The following VWA2 variants were observed in gnomAD, a reference collection of about 807,000 sequenced individuals.
VWA2 encodes von Willebrand factor A domain-containing protein 2.
In VWA2, 73 loss-of-function variants were observed where a neutral mutation model predicts 70.4. The observed-to-expected ratio is 1.04, with a 90% CI of 0.86 to 1.26. VWA2 has a LOEUF of 1.26. Among genes scored for constraint, VWA2 ranks in the 50% most tolerant of loss-of-function variants. The probability of loss-of-function intolerance (pLI) is 0.00; values close to 1 mark genes in which losing one functional copy is unlikely to be tolerated. For synonymous variants in VWA2, 407 were observed against 423.3 expected (o/e 0.96, Z 0.47); for missense variants, 1,011 against 998.5 (o/e 1.01, Z -0.17).
intron 1 of VWA2, among the ~76,000 whole-genome samples, chr10:114,248,107 C>CA (rs57749043): frequency 0.2 from 19,864 of 98,620 alleles, 1,484 homozygotes; most frequent in Middle Eastern, 0.32. Flanking sequence ...GACTCCATCT[C>CA]AAAAAAAAAA....
chr10:114,264,173 C>G (rs1271401449), intron 5 of VWA2, among the ~76,000 whole-genome samples: 7 of 152,224 alleles, frequency 4.6e-5, no homozygotes, highest in South Asian at 2.1e-4. Flanking sequence ...AACACGTGCA[C>G]ACGAAAATAG....
Position 114,286,098 on chromosome 10 carries a change from C to T in VWA2, c.1157C>T (p.Thr386Ile), listed in dbSNP as rs1308933379. The part of the protein sequence containing the change: ...EDSRARVGVA[T>I]YSRELLVAVP... ...TCTCGGGCCCGAGTGGGTGTGGCCA[C>T]ATACAGCAGGGAGCTGCTGGTGGCG... Residue 386 changes from threonine to isoleucine, a missense_variant, in exon 11 of 14, where the codon ACA becomes ATA. Transcript: ENST00000392982. 1 of 1,614,164 alleles carries T rather than the reference C, an allele frequency of 6.2e-7. No individual in the cohort carries two copies. Among genetic ancestry groups the T allele is most frequent in the Non-Finnish European group, 8.5e-7 (1 of 1,180,042 alleles).
At chr10:114,289,566 G>T (rs768392849) in intron 12 of VWA2, 77 bp downstream of exon 12, 2 of 1,524,320 alleles carry the variant, frequency 1.3e-6, no homozygotes, top group South Asian at 1.2e-5. Flanking sequence ...ACATCATGAC[G>T]AGGATGGCAG....
Position 114,277,938 on chromosome 10 carries a change from C to T in VWA2, c.591C>T (p.Ala197=). 6.2e-7 allele frequency: 1 copy of T among 1,610,592 alleles called. No homozygotes were observed. Among genetic ancestry groups the T allele is most frequent in the South Asian group, 1.1e-5 (1 of 90,754 alleles). The change falls in exon 7 of 14, where the codon GCC becomes GCT. Residue 197 remains alanine, a synonymous_variant. Transcript: ENST00000392982. ...FPRWEELHAL[A]SEPRGQHVLL... ...GGTGGGAGGAGCTGCATGCACTGGC[C>T]AGCGAGCCTAGAGGGCAGCACGTGC... is the stretch of plus-strand genomic sequence containing the variant.
rs2037078247 is a variant in VWA2, at chr10:114,246,601, C to T, written c.-10-2103C>T. On this transcript the variant is annotated intron_variant, in intron 1 of 13. Coordinates refer to ENST00000392982, the MANE Select transcript of VWA2 (RefSeq NM_001272046.2). ...GGACCTCATTTTAAGACTGTTGAAG[C>T]ATAATCCCAGCCAGAGGCCAATGCT... 3.6e-6 allele frequency: 5 copies of T among 1,390,188 alleles called. No homozygotes were observed. The South Asian group carries it at 4.6e-5, about 13-fold the overall frequency. 86.1% of individuals were successfully genotyped at this position (1,390,188 alleles called of 1,614,324 possible).
Position 114,291,593 on chromosome 10 carries a change from A to G in VWA2, c.*356A>G, listed in dbSNP as rs147756253. ...CAAGGGGTCCTGAAGACTTAAATTT[A>G]GCGGCCTGACGTTCCTTTGCACACA... is the stretch of plus-strand genomic sequence containing the variant. On this transcript the variant is annotated 3_prime_UTR_variant, in exon 14 of 14. Transcript: ENST00000392982. 9.8e-4 allele frequency: 236 copies of G among 240,474 alleles called. 1 individual carries two copies. The highest frequency in any genetic ancestry group is 4.9e-3 in the African/African-American group (215 of 43,664). The allele number at this position is 240,474 out of a possible 1,614,324, so 14.9% of individuals were successfully genotyped here.
At chr10:114,264,585 T>A (rs1007194283) in intron 5 of VWA2, among the ~76,000 whole-genome samples, 9 of 151,246 alleles carry the variant, frequency 6.0e-5, no homozygotes, top group African/African-American at 2.2e-4. Flanking sequence ...GCCCGGCTAA[T>A]TTTTTTTGTA....
chr10:114,288,332 T>A (rs2039160259), intron 11 of VWA2, among the ~76,000 whole-genome samples: 1 of 152,254 alleles, frequency 6.6e-6, no homozygotes, highest in South Asian at 2.1e-4. Context: ...TATGTTCATT[T>A]CATGTCTGTT....
chr10:114,254,485 C>G (rs2037276924), intron 3 of VWA2, among the ~76,000 whole-genome samples: 1 of 152,164 alleles, frequency 6.6e-6, no homozygotes, highest in South Asian at 2.1e-4. Context: ...ATATTCCTTC[C>G]TCTTCCACCC....
chr10:114,250,740 C>T (rs2037178108), intron 2 of VWA2, among the ~76,000 whole-genome samples: 1 of 152,228 alleles, frequency 6.6e-6, no homozygotes, highest in Non-Finnish European at 1.5e-5. Context: ...AAGTATAACA[C>T]AGCAGCTTCA....
intron 2 of VWA2, among the ~76,000 whole-genome samples, chr10:114,250,585 TG>T (rs1376644282): frequency 6.6e-6 from 1 of 152,212 alleles, no homozygotes; most frequent in Non-Finnish European, 1.5e-5. Context: ...TGTTCTCTGC[TG>T]AATTGGCTAC....
intron 6 of VWA2, 123 bp from the exon 7 acceptor site, chr10:114,277,791 G>C: frequency 3.2e-6 from 4 of 1,258,724 alleles, no homozygotes; most frequent in Non-Finnish European, 4.2e-6. Flanking sequence ...CACCAGCTAT[G>C]GGTCTGACAA....
rs149283597 is a variant in VWA2 at position 114,253,665 on chromosome 10, C to T, written c.67C>T (p.Pro23Ser). The change falls in exon 3 of 14, where the codon CCT (proline) becomes TCT (serine). Residue 23 changes from proline to serine, a missense_variant. Coordinates refer to ENST00000392982, the MANE Select transcript of VWA2 (RefSeq NM_001272046.2). ...FLFSRVPPSLPLQEVHVSKET... is the reference protein window; with the variant it reads ...FLFSRVPPSLSLQEVHVSKET... ...TTCTCTCCTAGTGCCCCCATCTCTC[C>T]CTCTCCAGGAAGTCCATGTAAGCAA... is the stretch of plus-strand genomic sequence containing the variant. The T allele has an allele frequency of 9.9e-6, 16 of 1,611,996 alleles. No homozygotes were observed. The African/African-American group carries it at 1.5e-4, about 15-fold the overall frequency.
intron 5 of VWA2, among the ~76,000 whole-genome samples, chr10:114,262,895 C>T (rs562242521): frequency 8.2e-4 from 125 of 152,302 alleles, no homozygotes; most frequent in African/African-American, 2.8e-3. Context: ...TTGGGGCCTC[C>T]GAGAATTGGC....
chr10:114,240,921 A>T (rs746454677), intron 1 of VWA2, among the ~76,000 whole-genome samples: 38 of 152,304 alleles, frequency 2.5e-4, no homozygotes, highest in Non-Finnish European at 5.3e-4. Context: ...GCTGAAAACC[A>T]TCAGTGTATT....
chr10:114,251,433 G>A (rs1214437878), intron 2 of VWA2, among the ~76,000 whole-genome samples: 1 of 152,234 alleles, frequency 6.6e-6, no homozygotes, highest in African/African-American at 2.4e-5. Context: ...TTTAGTGAGT[G>A]GTCTGTGCTC....
At chr10:114,256,989 A>C (rs911157043) in intron 4 of VWA2, among the ~76,000 whole-genome samples, 1 of 152,018 alleles carries the variant, frequency 6.6e-6, no homozygotes, top group Admixed American at 6.5e-5. Context: ...GACTGGTTGC[A>C]TACAGGTTGA....
chr10:114,285,078 A>T (rs1001692391), intron 10 of VWA2, 108 bp downstream of exon 10: 4 of 840,664 alleles, frequency 4.8e-6, no homozygotes, highest in Admixed American at 6.9e-5. Flanking sequence ...CTGGCCCTTG[A>T]ACCATCTGCT....
At chr10:114,269,252 T>C (rs971969708) in intron 5 of VWA2, among the ~76,000 whole-genome samples, 1 of 152,158 alleles carries the variant, frequency 6.6e-6, no homozygotes, top group Non-Finnish European at 1.5e-5. Flanking sequence ...AACCACAGGC[T>C]GATGGTTGTG....
Sources: allele counts gnomAD v4.1 joint callset (sites outside exome capture counted in the v4.1 genomes callset), GRCh38; gene constraint gnomAD v4.1.1; transcripts MANE v1.5; gene names NCBI Gene and HGNC (gene_info 2026-07-23, HGNC 2026-07-21).